NCKAP5: variants seen among roughly 807,000 people sequenced by gnomAD.
NCKAP5 encodes nck-associated protein 5.
In NCKAP5, 92 loss-of-function variants were observed where a neutral mutation model predicts 167.0. That is an observed-to-expected ratio of 0.55 (90% CI 0.47 to 0.66). The LOEUF is 0.66. Ranked by LOEUF, NCKAP5 falls within the 30% of genes least tolerant of loss-of-function variation. The pLI is 0.00. For synonymous variants in NCKAP5, 891 were observed against 877.4 expected, an observed-to-expected ratio of 1.02 and a Z score of -0.27; for missense variants, 2,378 against 2,315.0, an observed-to-expected ratio of 1.03 and a Z score of -0.56.
chr2:133,164,031 C>CAGAAAACAGACAATATAA (rs2083903845), intron 5 of NCKAP5, among the ~76,000 whole-genome samples: 1 of 152,134 alleles, frequency 6.6e-6, no homozygotes, highest in Non-Finnish European at 1.5e-5. Context: ...AGCAAGGCCT[C>CAGAAAACAGACAATATAA]AGAAAACAGA....
chr2:133,635,089 G>C, the NCKAP5 span, among the ~76,000 whole-genome samples: 15 of 152,110 alleles, frequency 9.9e-5, no homozygotes, highest in Admixed American at 2.0e-4. Flanking sequence ...GGCTAGGCTG[G>C]TCTCGAAATC....
At chr2:133,431,212 T>C (rs753862856) in intron 3 of NCKAP5, among the ~76,000 whole-genome samples, 1 of 152,170 alleles carries the variant, frequency 6.6e-6, no homozygotes, top group East Asian at 1.9e-4. Context: ...CTTCAGAATA[T>C]TGAATAATAA....
intron 3 of NCKAP5, among the ~76,000 whole-genome samples, chr2:133,407,599 A>G (rs1688519152): frequency 6.6e-6 from 1 of 152,214 alleles, no homozygotes; most frequent in African/African-American, 2.4e-5. Context: ...AGAAGAGTCC[A>G]GTGCTGTGAA....
intron 19 of NCKAP5, among the ~76,000 whole-genome samples, chr2:132,682,937 T>G (rs1573842076): frequency 6.6e-6 from 1 of 151,282 alleles, no homozygotes; most frequent in Non-Finnish European, 1.5e-5. Context: ...CAGGCTGGAG[T>G]GCAGTGATGC....
intron 6 of NCKAP5, among the ~76,000 whole-genome samples, chr2:133,127,496 C>T (rs116700408): frequency 1.1e-3 from 172 of 152,318 alleles, no homozygotes; most frequent in Admixed American, 1.8e-3. Flanking sequence ...TTATTGTACA[C>T]ATAATTATCT....
At chr2:132,975,806 A>C (rs1029874086) in intron 7 of NCKAP5, among the ~76,000 whole-genome samples, 1 of 152,114 alleles carries the variant, frequency 6.6e-6, no homozygotes, top group Non-Finnish European at 1.5e-5. Context: ...AAACCTCATA[A>C]CTTAAGGTTG....
intron 3 of NCKAP5, among the ~76,000 whole-genome samples, chr2:133,410,105 A>G (rs1176761128): frequency 6.6e-6 from 1 of 152,198 alleles, no homozygotes; most frequent in Non-Finnish European, 1.5e-5. Context: ...AGCAACTCCC[A>G]AGTCTCATTT....
At chr2:133,283,215 T>G (rs746763777) in intron 4 of NCKAP5, among the ~76,000 whole-genome samples, 1 of 152,134 alleles carries the variant, frequency 6.6e-6, no homozygotes, top group East Asian at 1.9e-4. Context: ...ATACAATGAA[T>G]AAGATAACAT....
At chr2:133,394,044 C>A (rs1420617588) in intron 3 of NCKAP5, among the ~76,000 whole-genome samples, 1 of 152,214 alleles carries the variant, frequency 6.6e-6, no homozygotes, top group African/African-American at 2.4e-5. Context: ...GCATTCAACA[C>A]ACAAAGACAA....
intron 10 of NCKAP5, among the ~76,000 whole-genome samples, chr2:132,866,175 G>C (rs1690336171): frequency 6.6e-6 from 1 of 152,146 alleles, no homozygotes; most frequent in South Asian, 2.1e-4. Context: ...CTGTTCATAT[G>C]AACGAAAATA....
intron 6 of NCKAP5, among the ~76,000 whole-genome samples, chr2:133,115,775 GTATATATATATATATA>G (rs10683280): frequency 0.014 from 1,327 of 94,306 alleles, 37 homozygotes; most frequent in African/African-American, 0.038. Context: ...ATGTGTGTGT[GTATATATATATATATA>G]TATATATATA....
intron 5 of NCKAP5, among the ~76,000 whole-genome samples, chr2:133,137,179 TC>T (rs2149821126): frequency 1.3e-5 from 2 of 152,218 alleles, no homozygotes; most frequent in East Asian, 3.9e-4. Context: ...GAATTCAATA[TC>T]CCCATTAGTT....
chr2:132,956,503 G>A (rs964607630), intron 8 of NCKAP5, among the ~76,000 whole-genome samples: 1 of 152,188 alleles, frequency 6.6e-6, no homozygotes. Context: ...CCTGCTTGCA[G>A]ATCTCATTCT....
At chr2:133,667,455 G>A in the NCKAP5 span, among the ~76,000 whole-genome samples, 1 of 151,916 alleles carries the variant, frequency 6.6e-6, no homozygotes, top group African/African-American at 2.4e-5. Flanking sequence ...TCTCTGGTAG[G>A]ATCATTGCCA....
intron 1 of NCKAP5, among the ~76,000 whole-genome samples, chr2:133,567,362 C>T (rs1040326639): frequency 2.0e-5 from 3 of 152,106 alleles, no homozygotes; most frequent in African/African-American, 7.3e-5. Context: ...AGGTTCCTGT[C>T]CAGGCTGGCG....
chr2:133,035,711 T>C (rs1435801049), intron 6 of NCKAP5, among the ~76,000 whole-genome samples: 1 of 151,752 alleles, frequency 6.6e-6, no homozygotes, highest in Non-Finnish European at 1.5e-5. Context: ...TTTATAGATA[T>C]AAGTGGCTAT....
chr2:133,144,296 C>A (rs1390561007), intron 5 of NCKAP5, among the ~76,000 whole-genome samples: 1 of 151,952 alleles, frequency 6.6e-6, no homozygotes. Context: ...ATAGATAATA[C>A]ATAGACTAAT....
intron 19 of NCKAP5, among the ~76,000 whole-genome samples, chr2:132,709,387 G>A (rs1196114339): frequency 3.3e-5 from 5 of 151,856 alleles, no homozygotes; most frequent in African/African-American, 4.8e-5. Context: ...AGAGGGGCAC[G>A]ATACAATAGG....
chr2:133,589,341 G>A, the NCKAP5 span, among the ~76,000 whole-genome samples: 3 of 152,178 alleles, frequency 2.0e-5, no homozygotes, highest in Non-Finnish European at 4.4e-5. Context: ...GTTTTTACCT[G>A]AGAAATTGGA....
Sources: allele counts gnomAD v4.1 joint callset (sites outside exome capture counted in the v4.1 genomes callset), GRCh38; gene constraint gnomAD v4.1.1; transcripts MANE v1.5; gene names NCBI Gene and HGNC (gene_info 2026-07-23, HGNC 2026-07-21).